Variants in CSMD1 observed in about 807,000 individuals in gnomAD.
CSMD1 encodes CUB and Sushi multiple domains 1.
In CSMD1, 213 loss-of-function variants were observed where a neutral mutation model predicts 417.5. The observed-to-expected ratio is 0.51, with a 90% CI of 0.46 to 0.57. CSMD1 has a LOEUF of 0.57. Among genes scored for constraint, CSMD1 ranks in the 20% least tolerant of loss-of-function variants. CSMD1 has a pLI of 0.00. For missense variants in CSMD1, 6,923 were observed against 4,529.7 expected, an observed-to-expected ratio of 1.53 and a Z score of -15.17; for synonymous variants, 2,862 against 1,736.8, an observed-to-expected ratio of 1.65 and a Z score of -16.11.
At chr8:4,178,425 G>A (rs535046330) in intron 3 of CSMD1, among the ~76,000 whole-genome samples, 38 of 150,886 alleles carry the variant, frequency 2.5e-4, no homozygotes, top group Admixed American at 2.1e-3. Context: ...TTGATGGGAC[G>A]TATCTCAAAA....
chr8:2,962,942 G>A (rs1047476990), intron 60 of CSMD1, among the ~76,000 whole-genome samples: 5 of 152,234 alleles, frequency 3.3e-5, no homozygotes, highest in Admixed American at 3.3e-4. Flanking sequence ...CAGCTACTCG[G>A]GAGGCTGAGG....
At position 3,074,372 on chromosome 8, in the gene CSMD1, G is replaced by A. The variant is rs79170069; in HGVS notation, c.7474+12725C>T. On this transcript the variant is annotated intron_variant, in intron 49 of 69. Transcript: ENST00000635120. The stretch of plus-strand genomic sequence containing the variant: ...TGTGCCAACAACATAACGCAATCAC[G>A]GGAGGAGGGTCCACCGCACCCCCAG... 8.8e-3 allele frequency among the ~76,000 whole-genome samples: 1,338 copies of A among 152,182 alleles called. 16 individuals carry two copies. The highest frequency in any genetic ancestry group is 0.03 in the African/African-American group (1,265 of 41,494).
intron 1 of CSMD1, among the ~76,000 whole-genome samples, chr8:4,867,972 C>T (rs35646982): frequency 0.91 from 137,427 of 151,836 alleles, 63,342 homozygotes; most frequent in Non-Finnish European, 0.98. Flanking sequence ...GATATTTACA[C>T]GTTTGTACAT....
intron 4 of CSMD1, among the ~76,000 whole-genome samples, chr8:4,008,699 A>G (rs1455863753): frequency 7.8e-6 from 1 of 128,454 alleles, no homozygotes; most frequent in Non-Finnish European, 1.5e-5. Context: ...CAAGCTCCCC[A>G]TCCCGGGTTC....
chr8:4,042,986 G>T lies in CSMD1; in HGVS notation c.416-10887C>A, dbSNP rs146067969. Among the ~76,000 whole-genome samples, 510 of 151,778 alleles carry T rather than the reference G, an allele frequency of 3.4e-3. 3 individuals are homozygous for T. Among genetic ancestry groups the T allele is most frequent in the African/African-American group, 0.012 (501 of 41,268 alleles). Reference sequence around the variant, plus strand: ...ACTAAATATGGGAAAAAAAAAATTAGCTGGGTGTGGTGACTTGCACCTGTA... The same window carrying T: ...ACTAAATATGGGAAAAAAAAAATTATCTGGGTGTGGTGACTTGCACCTGTA... On this transcript the variant is annotated intron_variant, in intron 3 of 69. Transcript: ENST00000635120.
chr8:3,075,775 C>T (rs1216958550), intron 49 of CSMD1, among the ~76,000 whole-genome samples: 2 of 151,520 alleles, frequency 1.3e-5, no homozygotes, highest in Non-Finnish European at 2.9e-5. Flanking sequence ...GGCGCGGTGG[C>T]TCATGCCTGT....
At chr8:4,984,391 C>A (rs889256193) in intron 1 of CSMD1, among the ~76,000 whole-genome samples, 1 of 152,222 alleles carries the variant, frequency 6.6e-6, no homozygotes, top group African/African-American at 2.4e-5. Flanking sequence ...GTAGTGTACG[C>A]TTCCGATCCG....
At chr8:3,872,981 C>T (rs573475364) in intron 5 of CSMD1, among the ~76,000 whole-genome samples, 11 of 151,878 alleles carry the variant, frequency 7.2e-5, no homozygotes, top group African/African-American at 1.7e-4. Context: ...ATTAGAGAAA[C>T]GCAAATCAAA....
chr8:3,031,830 A>G (rs187132578), intron 50 of CSMD1, among the ~76,000 whole-genome samples: 2 of 149,750 alleles, frequency 1.3e-5, no homozygotes. Flanking sequence ...GTTTGTAATT[A>G]TCTTAGGCTA....
intron 45 of CSMD1, 83 bp downstream of exon 45, chr8:3,107,635 T>G: frequency 1.3e-6 from 1 of 778,396 alleles, no homozygotes; most frequent in South Asian, 1.6e-5. Context: ...CTCATTAACT[T>G]GTCTGAGTAA....
chr8:4,976,794 C>T (rs1021052521), intron 1 of CSMD1, among the ~76,000 whole-genome samples: 1 of 152,182 alleles, frequency 6.6e-6, no homozygotes, highest in Non-Finnish European at 1.5e-5. Flanking sequence ...TGACACATCA[C>T]TTCCTCTCAC....
At chr8:4,131,001 T>G (rs1366198226) in intron 3 of CSMD1, among the ~76,000 whole-genome samples, 1 of 152,172 alleles carries the variant, frequency 6.6e-6, no homozygotes, top group Non-Finnish European at 1.5e-5. Context: ...TCCCTGCTGT[T>G]GGAATCTAGC....
rs1343354692 is a variant in CSMD1, at chr8:3,117,202, C to G, written c.6430+1197G>C. Among the ~76,000 whole-genome samples, 3 of 152,118 alleles carry G rather than the reference C, an allele frequency of 2.0e-5. No individual in the cohort carries two copies. The East Asian group carries it at 5.8e-4, about 29-fold the overall frequency. On this transcript the variant is annotated intron_variant, in intron 42 of 69. Coordinates refer to ENST00000635120, the MANE Select transcript of CSMD1 (RefSeq NM_033225.6). ...TCTCCCACCTCAGCCTCTGGAGTAG[C>G]TGGGACTACAGGTGCCCACCACCAC...
chr8:3,560,140 T>A (rs902842282), intron 10 of CSMD1, among the ~76,000 whole-genome samples: 2 of 152,164 alleles, frequency 1.3e-5, no homozygotes, highest in Non-Finnish European at 2.9e-5. Context: ...TTCAGCAAAG[T>A]TGATTATATA....
intron 1 of CSMD1, among the ~76,000 whole-genome samples, chr8:4,674,017 GGTATGAGAA>G (rs1805517708): frequency 6.6e-6 from 1 of 152,118 alleles, no homozygotes; most frequent in Non-Finnish European, 1.5e-5. Context: ...CAAATCTTAC[GGTATGAGAA>G]GTATATCTCA....
chr8:4,093,596 G>C (rs1231102674), intron 3 of CSMD1, among the ~76,000 whole-genome samples: 1 of 152,138 alleles, frequency 6.6e-6, no homozygotes, highest in African/African-American at 2.4e-5. Context: ...ATATCGGTAT[G>C]CTTTTTCCCT....
intron 2 of CSMD1, among the ~76,000 whole-genome samples, chr8:4,623,574 AG>A (rs543648201): frequency 4.5e-4 from 69 of 152,110 alleles, no homozygotes; most frequent in Non-Finnish European, 4.3e-4. Context: ...CAGGGGGGTG[AG>A]GGGGGAACAA....
At chr8:4,143,234 T>G (rs932844337) in intron 3 of CSMD1, among the ~76,000 whole-genome samples, 1 of 151,178 alleles carries the variant, frequency 6.6e-6, no homozygotes, top group African/African-American at 2.5e-5. Context: ...TAAACCCTCT[T>G]ATAGGGTTAG....
At chr8:3,060,742 T>G (rs1447228263) in intron 49 of CSMD1, among the ~76,000 whole-genome samples, 2 of 152,258 alleles carry the variant, frequency 1.3e-5, no homozygotes, top group East Asian at 3.9e-4. Context: ...TTCAATATGA[T>G]AGTATTAAGA....
Sources: gnomAD v4.1 joint callset for allele counts (sites outside exome capture counted in the v4.1 genomes callset) on GRCh38, gnomAD v4.1.1 for gene constraint, MANE v1.5 for transcripts, NCBI Gene and HGNC (gene_info 2026-07-23, HGNC 2026-07-21) for gene names.